Variants in DNAH10 observed in about 807,000 individuals in gnomAD.
DNAH10 encodes the protein dynein axonemal heavy chain 10.
In DNAH10, 348 loss-of-function variants were observed where a neutral mutation model predicts 506.6. That is an observed-to-expected ratio of 0.69 (90% CI 0.63 to 0.75). The LOEUF is 0.75. DNAH10 is among the 30% of genes least tolerant of loss of function. The pLI is 0.00. For synonymous variants in DNAH10, 2,059 were observed against 2,198.6 expected (o/e 0.94, Z 1.78); for missense variants, 5,179 against 5,787.1 (o/e 0.89, Z 3.41).
intron 27 of DNAH10, among the ~76,000 whole-genome samples, chr12:123,834,234 G>A (rs1185421571): frequency 6.6e-6 from 1 of 152,068 alleles, no homozygotes; most frequent in Non-Finnish European, 1.5e-5. Context: ...TTTAGATGGA[G>A]TCTTGCTCTG....
intron 57 of DNAH10, among the ~76,000 whole-genome samples, chr12:123,905,794 G>C (rs894491927): frequency 6.6e-6 from 1 of 152,116 alleles, no homozygotes; most frequent in Non-Finnish European, 1.5e-5. Context: ...TTATCCATAA[G>C]GTGAGTTGCA....
Position 123,935,403 on chromosome 12 carries a change from T to C in DNAH10, c.13692T>C (p.Phe4564=), listed in dbSNP as rs1259809295. The C allele has an allele frequency of 1.2e-6, 2 of 1,611,884 alleles. No homozygotes were observed. The highest frequency in any genetic ancestry group is 2.7e-5 in the African/African-American group (2 of 74,932). Residue 4564 remains phenylalanine (F), a synonymous_variant, in exon 79 of 79, where the codon TTT becomes TTC. Transcript: ENST00000673944. ...RRNAMGVGLV[F]EADLFTTRHI... Reference sequence around the variant, plus strand: ...ACGCCATGGGAGTCGGCTTGGTTTTTGAAGCTGATCTCTTTACCACGAGGC... The same window carrying C: ...ACGCCATGGGAGTCGGCTTGGTTTTCGAAGCTGATCTCTTTACCACGAGGC...
intron 27 of DNAH10, 101 bp from the exon 28 acceptor site, chr12:123,835,305 G>A: frequency 1.4e-6 from 2 of 1,386,030 alleles, no homozygotes; most frequent in Non-Finnish European, 1.9e-6. Context: ...CCTCCCACCT[G>A]AGTTGATTTG....
At chr12:123,779,338 C>CT (rs1565892870) in intron 5 of DNAH10, among the ~76,000 whole-genome samples, 1 of 152,092 alleles carries the variant, frequency 6.6e-6, no homozygotes, top group Non-Finnish European at 1.5e-5. Flanking sequence ...CCATGCCCAG[C>CT]TTTTCAAATC....
intron 16 of DNAH10, among the ~76,000 whole-genome samples, chr12:123,802,124 G>T (rs185083974): frequency 6.6e-6 from 1 of 152,174 alleles, no homozygotes; most frequent in Non-Finnish European, 1.5e-5. Flanking sequence ...ACCATAGTTT[G>T]TTCAGCCTTT....
chr12:123,813,909 C>G lies in DNAH10; in HGVS notation c.3777C>G (p.Leu1259=). ...ACCGTACCATGGCAATGTATAACCTCTTTGTAAGTCAACTTGTATTTTCTT... is the reference window on the plus strand; with the variant it reads ...ACCGTACCATGGCAATGTATAACCTGTTTGTAAGTCAACTTGTATTTTCTT... ...ERYRTMAMYN[L]FPPDAEKELV... Residue 1259 remains leucine, a synonymous_variant, in exon 21 of 79, where the codon CTC becomes CTG. Coordinates refer to ENST00000673944, the MANE Select transcript of DNAH10 (RefSeq NM_001372106.1). 2 of 1,572,748 alleles carry G rather than the reference C, an allele frequency of 1.3e-6. No homozygotes were observed. Among genetic ancestry groups the G allele is most frequent in the Non-Finnish European group, 1.7e-6 (2 of 1,166,968 alleles).
At chr12:123,809,259 C>G (rs1958833818) in intron 19 of DNAH10, among the ~76,000 whole-genome samples, 1 of 152,212 alleles carries the variant, frequency 6.6e-6, no homozygotes, top group African/African-American at 2.4e-5. Flanking sequence ...CAGTACCTTC[C>G]TATCCCAAGT....
chr12:123,854,036 C>T (rs1363173227), intron 36 of DNAH10, among the ~76,000 whole-genome samples: 1 of 145,262 alleles, frequency 6.9e-6, no homozygotes, highest in South Asian at 2.2e-4. Flanking sequence ...TGCCACAAAT[C>T]GCTTCATTCT....
chr12:123,810,047 T>G (rs1344744720), intron 19 of DNAH10, among the ~76,000 whole-genome samples: 2 of 152,254 alleles, frequency 1.3e-5, no homozygotes, highest in East Asian at 3.8e-4. Context: ...ATTTATCTAT[T>G]GATCCTTTCA....
rs1388529330 is a variant in DNAH10 at position 123,850,310 on chromosome 12, GTTGGTA to G, written c.6103-577_6103-572del. ...AAGAATATAGGGATTTCCGTGGTTT[GTTGGTA>G]CCTGGGGCAACCAGAGGAATGAAGA... On this transcript the variant is annotated intron_variant, in intron 34 of 78. Coordinates refer to ENST00000673944, the MANE Select transcript of DNAH10 (RefSeq NM_001372106.1). The surrounding 1 kb of genome is among the most constrained non-coding windows in gnomAD (Gnocchi z 5.5). 6.6e-6 allele frequency among the ~76,000 whole-genome samples: 1 copy of G among 152,038 alleles called. No individual in the cohort carries two copies. The highest frequency in any genetic ancestry group is 2.4e-5 in the African/African-American group (1 of 41,378).
rs770032036 is a variant in DNAH10, at chr12:123,897,968, G to A, written c.9478+1G>A. 8 of 1,571,248 alleles carry A rather than the reference G, an allele frequency of 5.1e-6. No individual in the cohort carries two copies. In the East Asian group the frequency reaches 1.9e-4, roughly 36 times the overall value. ...GATGAGAAAACTCAGTGTAATATAG[G>A]TAAGCCTTGGGGATGGGGTGGTTGA... On this transcript the variant is annotated splice_donor_variant, in intron 55 of 78. Coordinates refer to ENST00000673944, the MANE Select transcript of DNAH10 (RefSeq NM_001372106.1). LOFTEE classifies it high-confidence loss of function.
At chr12:123,867,254 G>A (rs59689888) in intron 41 of DNAH10, among the ~76,000 whole-genome samples, 4 of 152,020 alleles carry the variant, frequency 2.6e-5, no homozygotes, top group Non-Finnish European at 5.9e-5. Flanking sequence ...CTGTGGCAGC[G>A]AAATGAAACA....
In DNAH10 at chr12:123,931,436, A is replaced by T; in HGVS notation, c.12880A>T (p.Met4294Leu). The change falls in exon 74 of 79, where the codon ATG becomes TTG. Residue 4294 changes from methionine (M) to leucine (L), a missense_variant. Met to Leu is a conservative substitution (Grantham distance 15, BLOSUM62 2). Around this residue, in one of 3 missense-constraint regions of DNAH10, gnomAD observed 4,844 missense variants for 5,430.5 expected, o/e 0.89. Transcript: ENST00000673944. ...IGYYTQAARD[M>L]WAHLLELQPQ... is the part of the protein sequence containing the mutation. ...CTATTACACGCAGGCGGCTCGAGAC[A>T]TGTGGGCTCACCTGCTGGAGCTGCA... 1 of 1,613,928 alleles carries T rather than the reference A, an allele frequency of 6.2e-7. No homozygotes were observed. The highest frequency in any genetic ancestry group is 8.5e-7 in the Non-Finnish European group (1 of 1,179,862).
In DNAH10 at chr12:123,916,173, C is replaced by T. The variant is rs554360381; in HGVS notation, c.10723-284C>T. On this transcript the variant is annotated intron_variant, in intron 62 of 78. Transcript: ENST00000673944. The surrounding 1 kb of genome is among the most constrained non-coding windows in gnomAD (Gnocchi z 4.6). ...TTGTCAGCCTACCCCTAGTCCAATT[C>T]CAACATCTACCCTCTCTCTTAAAGA... 4.6e-5 allele frequency among the ~76,000 whole-genome samples: 7 copies of T among 152,282 alleles called. No individual in the cohort carries two copies. Among genetic ancestry groups the T allele is most frequent in the African/African-American group, 1.7e-4 (7 of 41,560 alleles).
chr12:123,928,482 G>A lies in DNAH10; in HGVS notation c.12201G>A (p.Glu4067=). Residue 4067 remains glutamate (E), a synonymous_variant, in exon 70 of 79, where the codon GAG becomes GAA. Coordinates refer to ENST00000673944, the MANE Select transcript of DNAH10 (RefSeq NM_001372106.1). The surrounding 1 kb of genome is among the most constrained non-coding windows in gnomAD (Gnocchi z 4.9). ...TGGTCAAGTGGCTGAAAGATCTGGAGAAGTCCCTGGAGAGGATCACCAAGC... is the reference window on the plus strand; with the variant it reads ...TGGTCAAGTGGCTGAAAGATCTGGAAAAGTCCCTGGAGAGGATCACCAAGC... ...HLLVKWLKDL[E]KSLERITKPH... 5 of 1,611,072 alleles carry A rather than the reference G, an allele frequency of 3.1e-6. No homozygotes were observed. The highest frequency in any genetic ancestry group is 4.2e-6 in the Non-Finnish European group (5 of 1,178,798).
chr12:123,870,285 G>A, intron 43 of DNAH10, 81 bp from the exon 44 acceptor site: 1 of 1,535,078 alleles, frequency 6.5e-7, no homozygotes, highest in Non-Finnish European at 8.8e-7. Context: ...AGCAACATTA[G>A]TTCATTTCAA....
At chr12:123,778,777 G>A (rs1313904228) in intron 5 of DNAH10, among the ~76,000 whole-genome samples, 2 of 152,094 alleles carry the variant, frequency 1.3e-5, no homozygotes, top group Non-Finnish European at 1.5e-5. Flanking sequence ...TTACTCTATT[G>A]CTCAGGCTAT....
At position 123,935,548 on chromosome 12, in the gene DNAH10, G is replaced by A; in HGVS notation, c.*67G>A. ...GGTTGTCAGAGTGATCGGGTCTGCT[G>A]TCATTTCTTGGGGCCTCTCAAGAGG... On this transcript the variant is annotated 3_prime_UTR_variant, in exon 79 of 79. Coordinates refer to ENST00000673944, the MANE Select transcript of DNAH10 (RefSeq NM_001372106.1). 4 of 1,487,594 alleles carry A rather than the reference G, an allele frequency of 2.7e-6. No individual in the cohort carries two copies. Among genetic ancestry groups the A allele is most frequent in the South Asian group, 1.4e-5 (1 of 70,714 alleles). The allele number at this position is 1,487,594 out of a possible 1,614,324, so 92.1% of individuals were successfully genotyped here. A position where few individuals can be genotyped will look rare whatever the true frequency, so the allele number is the denominator to read the frequency against.
chr12:123,834,476 G>C (rs1237368263), intron 27 of DNAH10, among the ~76,000 whole-genome samples: 1 of 152,160 alleles, frequency 6.6e-6, no homozygotes, highest in African/African-American at 2.4e-5. Flanking sequence ...CCAAAGTGTT[G>C]TGATTATAGG....
Sources: gnomAD v4.1 joint callset for allele counts (sites outside exome capture counted in the v4.1 genomes callset) on GRCh38, gnomAD v4.1.1 for gene constraint, gnomAD v4.1.1 regional missense constraint, Gnocchi (gnomAD v3.1) non-coding constraint, MANE v1.5 for transcripts, NCBI Gene and HGNC (gene_info 2026-07-23, HGNC 2026-07-21) for gene names.